KCNB2: variants seen among roughly 807,000 people sequenced by gnomAD.
The protein encoded by KCNB2 is delayed rectifier potassium channel protein.
KCNB2 carries 15 observed loss-of-function variants against 61.5 expected under a neutral mutation model. The observed-to-expected ratio is 0.24, with a 90% confidence interval of 0.16 to 0.38. The LOEUF (loss-of-function observed/expected upper bound fraction) is 0.38, where lower values mean the gene tolerates loss of function less well. KCNB2 is among the 10% of genes least tolerant of loss of function. KCNB2 has a pLI of 1.00. For synonymous variants in KCNB2, 457 were observed against 446.0 expected, an observed-to-expected ratio of 1.02 and a Z score of -0.31; for missense variants, 828 against 1,125.2, an observed-to-expected ratio of 0.74 and a Z score of 3.78.
intron 2 of KCNB2, among the ~76,000 whole-genome samples, chr8:72,719,099 TTTTG>T (rs1020606590): frequency 9.9e-5 from 15 of 152,274 alleles, no homozygotes; most frequent in East Asian, 3.9e-4. Context: ...TGCTTTGTTT[TTTTG>T]TTTGTTTGTT....
chr8:72,850,177 G>A (rs1239430717), intron 2 of KCNB2, among the ~76,000 whole-genome samples: 1 of 147,574 alleles, frequency 6.8e-6, no homozygotes, highest in Non-Finnish European at 1.5e-5. Flanking sequence ...ATTTGGGTGT[G>A]TGAGTGTATG....
At chr8:72,826,660 G>C (rs970395553) in intron 2 of KCNB2, among the ~76,000 whole-genome samples, 3 of 152,218 alleles carry the variant, frequency 2.0e-5, no homozygotes, top group African/African-American at 7.2e-5. Context: ...GAAAATAAAA[G>C]TGAGGTTGAA....
At chr8:72,835,414 A>C (rs910220026) in intron 2 of KCNB2, among the ~76,000 whole-genome samples, 1 of 152,188 alleles carries the variant, frequency 6.6e-6, no homozygotes, top group African/African-American at 2.4e-5. Flanking sequence ...TGCCAAATGA[A>C]AGATGGAGAG....
At chr8:72,772,553 T>C (rs1180679798) in intron 2 of KCNB2, among the ~76,000 whole-genome samples, 1 of 152,180 alleles carries the variant, frequency 6.6e-6, no homozygotes, top group Non-Finnish European at 1.5e-5. Flanking sequence ...TTGTTGCTGA[T>C]TAAATTTGTC....
At chr8:72,751,960 G>A (rs563242190) in intron 2 of KCNB2, 20 of 152,342 alleles carry the variant, frequency 1.3e-4, no homozygotes, top group African/African-American at 4.6e-4. Context: ...TTTAGACAGA[G>A]CGAGGCCTGT....
At chr8:72,656,618 G>A (rs994125329) in intron 2 of KCNB2, among the ~76,000 whole-genome samples, 16 of 152,112 alleles carry the variant, frequency 1.1e-4, no homozygotes, top group African/African-American at 3.1e-4. Flanking sequence ...GTCAAGTTAC[G>A]ATTATAATGA....
At chr8:72,590,422 A>C (rs1276850429) in intron 2 of KCNB2, among the ~76,000 whole-genome samples, 1 of 152,124 alleles carries the variant, frequency 6.6e-6, no homozygotes, top group Admixed American at 6.5e-5. Context: ...ACCATTGAGC[A>C]AAAGGGCAAA....
chr8:72,759,835 G>A (rs1021135372), intron 2 of KCNB2, among the ~76,000 whole-genome samples: 9 of 152,262 alleles, frequency 5.9e-5, no homozygotes, highest in South Asian at 2.1e-4. Flanking sequence ...GGATAAGCCC[G>A]TTATTCAAAG....
intron 2 of KCNB2, among the ~76,000 whole-genome samples, chr8:72,897,648 A>G (rs755945354): frequency 3.9e-5 from 6 of 152,172 alleles, no homozygotes; most frequent in African/African-American, 2.4e-5. Context: ...CAAATAATTT[A>G]CGTTGTCTAT....
chr8:72,868,077 T>A (rs1436971653), intron 2 of KCNB2, among the ~76,000 whole-genome samples: 1 of 136,810 alleles, frequency 7.3e-6, no homozygotes, highest in Admixed American at 7.2e-5. Context: ...TATTATTTAT[T>A]TTTTTTTTTT....
intron 2 of KCNB2, among the ~76,000 whole-genome samples, chr8:72,719,212 T>C (rs1807503699): frequency 6.6e-6 from 1 of 152,134 alleles, no homozygotes; most frequent in African/African-American, 2.4e-5. Context: ...CCTTTTGATA[T>C]TTCCCTCGAC....
At chr8:72,903,247 G>A (rs563958034) in intron 2 of KCNB2, among the ~76,000 whole-genome samples, 5 of 152,262 alleles carry the variant, frequency 3.3e-5, no homozygotes, top group East Asian at 1.9e-4. Flanking sequence ...GGTGATTAGC[G>A]AAGGGAAAGA....
intron 2 of KCNB2, among the ~76,000 whole-genome samples, chr8:72,864,052 C>T (rs10106279): frequency 0.15 from 22,318 of 152,096 alleles, 2,323 homozygotes; most frequent in African/African-American, 0.3. Flanking sequence ...CACTTACCCA[C>T]GTGACAGAGG....
Position 72,589,628 on chromosome 8 carries a change from A to T in KCNB2, c.579+21315A>T, listed in dbSNP as rs150839381. On this transcript the variant is annotated intron_variant, in intron 2 of 2. Transcript: ENST00000523207. ...AGCATGTCTAATTATCTAAACCTAG[A>T]ACCTAATTCTGTTGACATATTTTTA... is the stretch of plus-strand genomic sequence containing the variant. 1.2e-4 allele frequency among the ~76,000 whole-genome samples: 18 copies of T among 152,350 alleles called. No individual in the cohort carries two copies. In the East Asian group the frequency reaches 3.5e-3, roughly 29 times the overall value.
intron 2 of KCNB2, among the ~76,000 whole-genome samples, chr8:72,819,852 A>G (rs1050094243): frequency 1.9e-4 from 29 of 152,088 alleles, no homozygotes; most frequent in African/African-American, 6.3e-4. Context: ...CAGATTCTCC[A>G]CTGCTATCAA....
At chr8:72,755,707 A>G (rs557223923) in intron 2 of KCNB2, among the ~76,000 whole-genome samples, 6 of 152,292 alleles carry the variant, frequency 3.9e-5, no homozygotes, top group African/African-American at 1.4e-4. Flanking sequence ...CTTAGTTGTC[A>G]TTTGTACCCA....
chr8:72,806,357 A>T (rs560362915), intron 2 of KCNB2, among the ~76,000 whole-genome samples: 20 of 104,540 alleles, frequency 1.9e-4, no homozygotes, highest in Non-Finnish European at 3.5e-4. Flanking sequence ...GACTCTAAGA[A>T]AAAAAAAAAA....
At chr8:72,926,904 C>T (rs575027090) in intron 2 of KCNB2, among the ~76,000 whole-genome samples, 1 of 152,322 alleles carries the variant, frequency 6.6e-6, no homozygotes, top group South Asian at 2.1e-4. Flanking sequence ...TTGTGAAATG[C>T]AAATCTGAGC....
intron 2 of KCNB2, among the ~76,000 whole-genome samples, chr8:72,843,340 C>A (rs10957624): frequency 0.85 from 129,736 of 152,092 alleles, 56,301 homozygotes; most frequent in Middle Eastern, 0.97. Flanking sequence ...TTTGCTGAGG[C>A]GTGTTTTACT....
Sources: gnomAD v4.1 joint callset for allele counts (sites outside exome capture counted in the v4.1 genomes callset) on GRCh38, gnomAD v4.1.1 for gene constraint, MANE v1.5 for transcripts, NCBI Gene and HGNC (gene_info 2026-07-23, HGNC 2026-07-21) for gene names.